The following DLGAP2 variants were observed in gnomAD, a reference collection of about 807,000 sequenced individuals.
DLGAP2 encodes the protein DLG associated protein 2.
Under a neutral mutation model 100.3 loss-of-function variants are expected in DLGAP2, and 26 were observed. That is an observed-to-expected ratio of 0.26 (90% CI 0.19 to 0.36). The LOEUF (loss-of-function observed/expected upper bound fraction) is 0.36, where lower values mean the gene tolerates loss of function less well. DLGAP2 is among the 10% of genes least tolerant of loss of function. The pLI is 1.00. For missense variants in DLGAP2, 1,858 were observed against 1,453.2 expected (o/e 1.28, Z -4.53); for synonymous variants, 886 against 630.1 (o/e 1.41, Z -6.08).
intron 3 of DLGAP2, among the ~76,000 whole-genome samples, chr8:1,487,728 G>A (rs1373852262): frequency 6.6e-6 from 1 of 152,198 alleles, no homozygotes; most frequent in Non-Finnish European, 1.5e-5. Flanking sequence ...TCCCACCTGT[G>A]CACTGCTGCG....
intron 1 of DLGAP2, chr8:883,129 A>G (rs1797844801): frequency 6.6e-6 from 1 of 152,498 alleles, no homozygotes; most frequent in Admixed American, 6.5e-5. Context: ...AATGGAGTGG[A>G]TTCTTCTCTC....
intron 1 of DLGAP2, among the ~76,000 whole-genome samples, chr8:819,354 A>G (rs1042681869): frequency 1.3e-5 from 2 of 152,222 alleles, no homozygotes; most frequent in African/African-American, 4.8e-5. Flanking sequence ...TGAAAGAGAA[A>G]TGGCAGGAAA....
intron 2 of DLGAP2, among the ~76,000 whole-genome samples, chr8:1,023,535 G>A (rs1801687948): frequency 6.6e-6 from 1 of 152,088 alleles, no homozygotes; most frequent in African/African-American, 2.4e-5. Flanking sequence ...GAGTTACTGA[G>A]AATGAGAATG....
At position 1,147,463 on chromosome 8, in the gene DLGAP2, C is replaced by G. The variant is rs1038949319; in HGVS notation, c.74-111388C>G. On this transcript the variant is annotated intron_variant, in intron 2 of 14. Coordinates refer to ENST00000637795, the MANE Select transcript of DLGAP2 (RefSeq NM_001346810.2). ...TGCAAATGCCAGTTTTATTATCTTT[C>G]TTTTGAAATTCATAAATTGAATTTC... Among the ~76,000 whole-genome samples the G allele has an allele frequency of 2.0e-5, 3 of 151,226 alleles. No homozygotes were observed. In the East Asian group the frequency reaches 5.8e-4, roughly 29 times the overall value.
chr8:1,296,204 C>T (rs577233362), intron 3 of DLGAP2: 2 of 152,212 alleles, frequency 1.3e-5, no homozygotes, highest in Admixed American at 6.5e-5. Context: ...GGCTGAGACC[C>T]TTGATGACCG....
chr8:1,330,248 C>T (rs139070315), intron 3 of DLGAP2, among the ~76,000 whole-genome samples: 92 of 150,574 alleles, frequency 6.1e-4, no homozygotes, highest in African/African-American at 1.9e-3. Flanking sequence ...GGTGGGAGCA[C>T]CGCTTCGCAG....
At chr8:1,054,078 C>G (rs1416313559) in intron 2 of DLGAP2, among the ~76,000 whole-genome samples, 1 of 152,120 alleles carries the variant, frequency 6.6e-6, no homozygotes, top group African/African-American at 2.4e-5. Flanking sequence ...ATCATGAGTG[C>G]TGAAATGGGA....
Position 1,088,249 on chromosome 8 carries a change from G to A in DLGAP2, c.74-170602G>A, listed in dbSNP as rs1030036342. Among the ~76,000 whole-genome samples, 51 of 152,270 alleles carry A rather than the reference G, an allele frequency of 3.3e-4. 1 individual carries two copies. Among genetic ancestry groups the A allele is most frequent in the Admixed American group, 2.0e-3 (30 of 15,298 alleles). ...TTGCTTCTCCTTGGACCTCTGTGGCGTTTCATTAATGGACTTTAGAGCTAC... is the reference window on the plus strand; with the variant it reads ...TTGCTTCTCCTTGGACCTCTGTGGCATTTCATTAATGGACTTTAGAGCTAC... On this transcript the variant is annotated intron_variant, in intron 2 of 14. Coordinates refer to ENST00000637795, the MANE Select transcript of DLGAP2 (RefSeq NM_001346810.2).
chr8:1,307,298 G>A (rs1800513145), intron 3 of DLGAP2, among the ~76,000 whole-genome samples: 1 of 152,146 alleles, frequency 6.6e-6, no homozygotes, highest in Non-Finnish European at 1.5e-5. Flanking sequence ...GGAATACAAA[G>A]CTAAACCACA....
chr8:1,494,731 A>T (rs1212976905), intron 3 of DLGAP2, among the ~76,000 whole-genome samples: 2 of 152,086 alleles, frequency 1.3e-5, no homozygotes, highest in East Asian at 3.9e-4. Flanking sequence ...CCATCTAAAA[A>T]AAAAAGGAAA....
At chr8:1,472,478 C>G (rs1051438938) in intron 3 of DLGAP2, among the ~76,000 whole-genome samples, 10 of 152,076 alleles carry the variant, frequency 6.6e-5, no homozygotes, top group African/African-American at 2.4e-4. Flanking sequence ...CACTTTGTTT[C>G]TTTTGAAATC....
At chr8:1,219,757 G>T (rs554515451) in intron 2 of DLGAP2, among the ~76,000 whole-genome samples, 4 of 152,082 alleles carry the variant, frequency 2.6e-5, no homozygotes, top group Non-Finnish European at 4.4e-5. Context: ...GCTTTTTCTT[G>T]TTGGTAGCTT....
chr8:901,565 A>G (rs959082026), intron 1 of DLGAP2, among the ~76,000 whole-genome samples: 2 of 152,152 alleles, frequency 1.3e-5, no homozygotes, highest in Non-Finnish European at 2.9e-5. Context: ...TCACGGTGAG[A>G]TGTGTATTCT....
chr8:1,537,722 A>AAAGGGTGG (rs1801201422), intron 4 of DLGAP2, among the ~76,000 whole-genome samples: 1 of 121,338 alleles, frequency 8.2e-6, no homozygotes, highest in East Asian at 2.6e-4. Context: ...TGGATGGATG[A>AAAGGGTGG]AAGGATGGAA....
chr8:1,291,908 A>T (rs552594459), intron 3 of DLGAP2, among the ~76,000 whole-genome samples: 1 of 152,154 alleles, frequency 6.6e-6, no homozygotes, highest in Admixed American at 6.5e-5. Context: ...ACTTTTGACT[A>T]TTACAAAATG....
intron 8 of DLGAP2, among the ~76,000 whole-genome samples, chr8:1,635,178 C>G (rs929036204): frequency 4.6e-5 from 7 of 152,204 alleles, no homozygotes; most frequent in African/African-American, 1.7e-4. Context: ...TTATTTAAAT[C>G]TTTATTTACT....
At position 1,549,479 on chromosome 8, in the gene DLGAP2, C is replaced by T; in HGVS notation, c.1026C>T (p.Thr342=). ...QSPFGDLSLK[T]SKSNNDVKCS... is the part of the protein sequence containing the mutation. ...CCTTCGGGGACCTGTCCCTCAAGAC[C>T]TCCAAGAGCAACAACGACGTCAAGT... Residue 342 remains threonine (T), a synonymous_variant, in exon 5 of 15, where the codon ACC becomes ACT. Coordinates refer to ENST00000637795, the MANE Select transcript of DLGAP2 (RefSeq NM_001346810.2). 2 of 1,613,552 alleles carry T rather than the reference C, an allele frequency of 1.2e-6. No individual in the cohort carries two copies. Among genetic ancestry groups the T allele is most frequent in the Non-Finnish European group, 1.7e-6 (2 of 1,179,834 alleles).
At chr8:1,256,073 T>C (rs1166267773) in intron 2 of DLGAP2, among the ~76,000 whole-genome samples, 4 of 121,492 alleles carry the variant, frequency 3.3e-5, no homozygotes, top group African/African-American at 1.3e-4. Context: ...CTGGGTGCTA[T>C]GTGTGTGTCT....
intron 8 of DLGAP2, among the ~76,000 whole-genome samples, chr8:1,635,512 G>C (rs1459368568): frequency 5.3e-5 from 8 of 152,232 alleles, no homozygotes; most frequent in African/African-American, 1.9e-4. Flanking sequence ...ATGTGTGCGT[G>C]TGTGGTGTAT....
Sources: allele counts gnomAD v4.1 joint callset (sites outside exome capture counted in the v4.1 genomes callset), GRCh38; gene constraint gnomAD v4.1.1; transcripts MANE v1.5; gene names NCBI Gene and HGNC (gene_info 2026-07-23, HGNC 2026-07-21).